TMLHE: variants seen among roughly 807,000 people sequenced by gnomAD.
TMLHE encodes trimethyllysine dioxygenase, mitochondrial.
In TMLHE, 18 loss-of-function variants were observed where a neutral mutation model predicts 25.7. The ratio of observed to expected loss-of-function variants is 0.70; its 90% confidence interval spans 0.48 to 1.04. The LOEUF is 1.04. TMLHE is among the 50% of genes least tolerant of loss of function. TMLHE has a pLI of 0.00. For missense variants in TMLHE, 236 were observed against 259.0 expected, an observed-to-expected ratio of 0.91 and a Z score of 0.61; for synonymous variants, 105 against 97.0, an observed-to-expected ratio of 1.08 and a Z score of -0.49.
chrX:155,590,472 T>G (rs924090919), intron 1 of TMLHE, among the ~76,000 whole-genome samples: 1 of 111,987 alleles, frequency 8.9e-6, no homozygotes, highest in Admixed American at 9.5e-5. Flanking sequence ...TTTAAAAACA[T>G]AATTTTACAA....
At chrX:155,536,836 T>C (rs1016463940) in intron 2 of TMLHE, among the ~76,000 whole-genome samples, 2 of 112,216 alleles carry the variant, frequency 1.8e-5, no homozygotes, top group African/African-American at 3.2e-5. Context: ...ACATCTTACA[T>C]TGAGAAAGGG....
intron 1 of TMLHE, among the ~76,000 whole-genome samples, chrX:155,553,249 T>A (rs1220646624): frequency 9.0e-6 from 1 of 110,544 alleles, no homozygotes; most frequent in East Asian, 2.8e-4. Context: ...TTTCTCTTTT[T>A]TGTCTGATAT....
chrX:155,589,217 G>A (rs1603090068), intron 1 of TMLHE, among the ~76,000 whole-genome samples: 2 of 111,755 alleles, frequency 1.8e-5, no homozygotes, highest in East Asian at 5.6e-4. Context: ...GGAGGCCGAG[G>A]AGGGGAGATC....
intron 1 of TMLHE, among the ~76,000 whole-genome samples, chrX:155,591,846 G>A (rs2067695454): frequency 9.0e-6 from 1 of 111,717 alleles, no homozygotes; most frequent in African/African-American, 3.3e-5. Flanking sequence ...TCACTTACTG[G>A]TATAGCCAAA....
intron 1 of TMLHE, among the ~76,000 whole-genome samples, chrX:155,587,597 T>A (rs781826799): frequency 1.6e-4 from 18 of 111,489 alleles, no homozygotes; most frequent in Non-Finnish European, 1.9e-4. Flanking sequence ...GATGATATGA[T>A]CTTATATCTA....
At position 155,594,844 on chromosome X, in the gene TMLHE, G is replaced by T. The variant is rs1409682045; in HGVS notation, c.-2+17948C>A. On this transcript the variant is annotated intron_variant, in intron 1 of 7. Transcript: ENST00000334398. ...GTAAGCCTTATGATAACAACAAAGT[G>T]AAAAATCTATAGTACAGCTGACTCT... is the stretch of plus-strand genomic sequence containing the variant. Among the ~76,000 whole-genome samples, 3 of 111,103 alleles carry T rather than the reference G, an allele frequency of 2.7e-5. No individual in the cohort carries two copies. The East Asian group carries it at 8.4e-4, about 31-fold the overall frequency.
intron 1 of TMLHE, among the ~76,000 whole-genome samples, chrX:155,582,120 T>C (rs2124474187): frequency 8.9e-6 from 1 of 112,127 alleles, no homozygotes; most frequent in East Asian, 2.8e-4. Context: ...TGGCTAGCCA[T>C]ATGGAGAAAG....
At chrX:155,569,247 G>C (rs1557342708) in intron 1 of TMLHE, among the ~76,000 whole-genome samples, 1 of 56,954 alleles carries the variant, frequency 1.8e-5, no homozygotes, top group Admixed American at 2.0e-4. Flanking sequence ...GATAGAAGAT[G>C]AAATGAATGA....
intron 1 of TMLHE, among the ~76,000 whole-genome samples, chrX:155,559,422 C>T (rs2067479606): frequency 9.0e-6 from 1 of 110,753 alleles, no homozygotes; most frequent in South Asian, 3.8e-4. Flanking sequence ...CTATGTGGCC[C>T]CATGGTTTTC....
intron 1 of TMLHE, among the ~76,000 whole-genome samples, chrX:155,604,408 G>A (rs782608100): frequency 4.5e-5 from 5 of 111,591 alleles, no homozygotes; most frequent in Non-Finnish European, 9.4e-5. Context: ...AGGGCTCCCT[G>A]GCTCGGGCCC....
In TMLHE at chrX:155,555,152, T is replaced by C. The variant is rs970838279; in HGVS notation, c.-1-9875A>G. ...CGGTGTTGGTTTTCTGTCCTTTTGA[T>C]AGTTTGCTGAGAATGGTTTCCAGCT... On this transcript the variant is annotated intron_variant, in intron 1 of 7. Coordinates refer to ENST00000334398, the MANE Select transcript of TMLHE (RefSeq NM_018196.4). 1.0e-4 allele frequency among the ~76,000 whole-genome samples: 10 copies of C among 99,437 alleles called. 1 individual carries two copies. Among genetic ancestry groups the C allele is most frequent in the African/African-American group, 3.6e-4 (10 of 27,946 alleles). The allele number at this position is 99,437 out of a possible 115,157, so 86.3% of individuals were successfully genotyped here. A position where few individuals can be genotyped will look rare whatever the true frequency, so the allele number is the denominator to read the frequency against.
intron 4 of TMLHE, among the ~76,000 whole-genome samples, 160 bp from the exon 5 acceptor site, chrX:155,511,952 T>C (rs1445106937): frequency 9.0e-6 from 1 of 111,714 alleles, no homozygotes; most frequent in Non-Finnish European, 1.9e-5. Context: ...TTGAACATGC[T>C]AGTCTTGACA....
intron 1 of TMLHE, among the ~76,000 whole-genome samples, chrX:155,548,562 T>A (rs182993774): frequency 9.4e-6 from 1 of 106,933 alleles, no homozygotes; most frequent in Non-Finnish European, 1.9e-5. Context: ...GGTGAAACCC[T>A]GTCTCTACTA....
chrX:155,586,640 G>A (rs782756716), intron 1 of TMLHE, among the ~76,000 whole-genome samples: 2 of 111,554 alleles, frequency 1.8e-5, no homozygotes, highest in East Asian at 2.8e-4. Context: ...TCAAAAAAGA[G>A]AGAAGACCCA....
In TMLHE at chrX:155,590,509, G is replaced by T. The variant is rs1452377751; in HGVS notation, c.-2+22283C>A. ...TTCATAATTATAACTGTATTTGGGG[G>T]TTTATATCACATATAGACATAATAT... On this transcript the variant is annotated intron_variant, in intron 1 of 7. Coordinates refer to ENST00000334398, the MANE Select transcript of TMLHE (RefSeq NM_018196.4). Among the ~76,000 whole-genome samples the T allele has an allele frequency of 2.7e-5, 3 of 111,109 alleles. No homozygotes were observed. The South Asian group carries it at 1.1e-3, about 41-fold the overall frequency.
At chrX:155,540,511 C>G (rs1305579909) in intron 2 of TMLHE, among the ~76,000 whole-genome samples, 6 of 110,239 alleles carry the variant, frequency 5.4e-5, no homozygotes, top group South Asian at 3.9e-4. Flanking sequence ...TTGATCACCA[C>G]TCAATCTGCC....
At chrX:155,604,122 T>C (rs1557347619) in intron 1 of TMLHE, among the ~76,000 whole-genome samples, 1 of 111,627 alleles carries the variant, frequency 9.0e-6, no homozygotes, top group Non-Finnish European at 1.9e-5. Context: ...GCAGGGCCCC[T>C]GGCTTGGGCC....
chrX:155,505,734 C>G (rs1350518978), intron 6 of TMLHE, among the ~76,000 whole-genome samples: 3 of 111,428 alleles, frequency 2.7e-5, no homozygotes, highest in Non-Finnish European at 5.7e-5. Flanking sequence ...TTTTTAATTA[C>G]TCTGTCGTCA....
intron 1 of TMLHE, among the ~76,000 whole-genome samples, chrX:155,596,331 T>G (rs1226726330): frequency 6.3e-5 from 7 of 111,609 alleles, no homozygotes; most frequent in African/African-American, 9.8e-5. Context: ...ACTTTTAAAG[T>G]TCTTTTGATA....
Sources: gnomAD v4.1 joint callset for allele counts (sites outside exome capture counted in the v4.1 genomes callset) on GRCh38, gnomAD v4.1.1 for gene constraint, MANE v1.5 for transcripts, NCBI Gene and HGNC (gene_info 2026-07-23, HGNC 2026-07-21) for gene names.